The following FAF1 variants were observed in gnomAD, a reference collection of about 807,000 sequenced individuals.
FAF1 encodes the protein Fas associated factor 1.
A neutral mutation model predicts 92.5 loss-of-function variants in FAF1; 25 were observed. The observed-to-expected ratio is 0.27, with a 90% CI of 0.20 to 0.38. The LOEUF is 0.38. Among genes scored for constraint, FAF1 ranks in the 10% least tolerant of loss-of-function variants. FAF1 has a pLI of 1.00. For missense variants in FAF1, 636 were observed against 793.3 expected (o/e 0.80, Z 2.38); for synonymous variants, 234 against 273.2 (o/e 0.86, Z 1.42).
At chr1:50,729,036 A>ATC (rs753561961) in intron 6 of FAF1, among the ~76,000 whole-genome samples, 21,778 of 93,734 alleles carry the variant, frequency 0.23, 2,615 homozygotes, top group Middle Eastern at 0.28. Flanking sequence ...CTATCTATCT[A>ATC]TATATATATA....
rs115774053 is a variant in FAF1, at chr1:50,661,472, C to T, written c.658-5944G>A. On this transcript the variant is annotated intron_variant, in intron 7 of 18. Coordinates refer to ENST00000396153, the MANE Select transcript of FAF1 (RefSeq NM_007051.3). ...TAGATTTTCTGAATTAAGATACTAT[C>T]GCACATCATAGTACAGCCCTTACAA... Among the ~76,000 whole-genome samples the T allele has an allele frequency of 5.8e-3, 885 of 152,216 alleles. 3 individuals carry two copies. Among genetic ancestry groups the T allele is most frequent in the Non-Finnish European group, 9.7e-3 (662 of 68,018 alleles).
At chr1:50,694,849 G>A (rs1657117431) in intron 7 of FAF1, among the ~76,000 whole-genome samples, 2 of 150,850 alleles carry the variant, frequency 1.3e-5, no homozygotes, top group African/African-American at 4.9e-5. Flanking sequence ...TGTAGTCCCA[G>A]CTACTCGGGA....
At chr1:50,634,263 C>A (rs1653916494) in intron 8 of FAF1, among the ~76,000 whole-genome samples, 1 of 151,954 alleles carries the variant, frequency 6.6e-6, no homozygotes, top group Non-Finnish European at 1.5e-5. Flanking sequence ...AAAAGAATTT[C>A]TGTTACCTCC....
intron 6 of FAF1, among the ~76,000 whole-genome samples, chr1:50,711,612 G>A (rs565680062): frequency 5.3e-5 from 8 of 151,908 alleles, no homozygotes; most frequent in South Asian, 2.1e-4. Context: ...TGCTACAGGC[G>A]CATACCACCA....
chr1:50,905,897 T>A (rs543852254), intron 1 of FAF1, among the ~76,000 whole-genome samples: 2 of 152,362 alleles, frequency 1.3e-5, no homozygotes, highest in East Asian at 3.9e-4. Context: ...ATCCCGTTTG[T>A]CAATTTTGGC....
chr1:50,807,909 G>A (rs1159463616), intron 2 of FAF1, among the ~76,000 whole-genome samples: 1 of 152,098 alleles, frequency 6.6e-6, no homozygotes, highest in African/African-American at 2.4e-5. Context: ...GAAATGCACA[G>A]AACCCCTGCA....
intron 8 of FAF1, among the ~76,000 whole-genome samples, chr1:50,602,916 A>C (rs185176009): frequency 1.2e-3 from 189 of 152,324 alleles, no homozygotes; most frequent in African/African-American, 4.3e-3. Context: ...TTGTTATTAC[A>C]CAAAGTGCTT....
At chr1:50,500,945 C>T (rs1355959920) in intron 15 of FAF1, among the ~76,000 whole-genome samples, 6 of 152,034 alleles carry the variant, frequency 3.9e-5, no homozygotes, top group African/African-American at 1.4e-4. Flanking sequence ...AGTGAATTAT[C>T]GTGATATAGT....
At chr1:50,901,585 G>C (rs962850167) in intron 1 of FAF1, among the ~76,000 whole-genome samples, 2 of 152,094 alleles carry the variant, frequency 1.3e-5, no homozygotes, top group African/African-American at 4.8e-5. Flanking sequence ...GCTGGCCACA[G>C]TGGCTCAGGC....
At chr1:50,726,059 C>A (rs1658637273) in intron 6 of FAF1, among the ~76,000 whole-genome samples, 1 of 151,928 alleles carries the variant, frequency 6.6e-6, no homozygotes, top group African/African-American at 2.4e-5. Context: ...TCGAGACCAG[C>A]CTGGCCAAGA....
At chr1:50,851,268 G>A (rs1316156604) in intron 2 of FAF1, among the ~76,000 whole-genome samples, 1 of 152,068 alleles carries the variant, frequency 6.6e-6, no homozygotes, top group Non-Finnish European at 1.5e-5. Flanking sequence ...TTTTGGTAGA[G>A]ACGAGGTTTT....
intron 8 of FAF1, among the ~76,000 whole-genome samples, chr1:50,614,559 G>T (rs1309536864): frequency 6.6e-6 from 1 of 151,980 alleles, no homozygotes; most frequent in Non-Finnish European, 1.5e-5. Context: ...AACAAAATGG[G>T]CTGGGCACGG....
At chr1:50,926,461 AACATATAAAATT>A (rs1279625257) in intron 1 of FAF1, among the ~76,000 whole-genome samples, 3 of 152,180 alleles carry the variant, frequency 2.0e-5, no homozygotes, top group African/African-American at 7.2e-5. Context: ...GAACCTGGTT[AACATATAAAATT>A]ACAGCTAGAT....
At chr1:50,742,576 G>A (rs547814884) in intron 5 of FAF1, among the ~76,000 whole-genome samples, 1 of 152,122 alleles carries the variant, frequency 6.6e-6, no homozygotes, top group Non-Finnish European at 1.5e-5. Context: ...TAGAGACAGG[G>A]TTTTGTCATG....
chr1:50,957,370 GAGA>G (rs1645276302), intron 1 of FAF1, among the ~76,000 whole-genome samples: 1 of 14,964 alleles, frequency 6.7e-5, no homozygotes, highest in Admixed American at 5.6e-4. Context: ...TTTTTTTTTT[GAGA>G]CAGAGTCTCG....
Position 50,867,473 on chromosome 1 carries a change from T to A in FAF1, c.46-9476A>T, listed in dbSNP as rs1347447336. Among the ~76,000 whole-genome samples, 3 of 151,666 alleles carry A rather than the reference T, an allele frequency of 2.0e-5. No homozygotes were observed. The East Asian group carries it at 5.8e-4, about 29-fold the overall frequency. On this transcript the variant is annotated intron_variant, in intron 1 of 18. Coordinates refer to ENST00000396153, the MANE Select transcript of FAF1 (RefSeq NM_007051.3). ...CTAATATCTGGAATCTATAAGGAAC[T>A]CAAATCAGCAAGAAAAAAACAAACA... is the stretch of plus-strand genomic sequence containing the variant.
intron 4 of FAF1, among the ~76,000 whole-genome samples, chr1:50,763,735 T>C (rs557784220): frequency 6.6e-6 from 1 of 152,350 alleles, no homozygotes; most frequent in African/African-American, 2.4e-5. Context: ...TCACATAATG[T>C]ATCGACATTT....
Position 50,441,386 on chromosome 1 carries a change from T to C in FAF1, c.*54A>G, listed in dbSNP as rs559818433. 42 of 1,186,184 alleles carry C rather than the reference T, an allele frequency of 3.5e-5. No homozygotes were observed. In the South Asian group the frequency reaches 6.4e-4, roughly 18 times the overall value. The allele number at this position is 1,186,184 out of a possible 1,614,324, so 73.5% of individuals were successfully genotyped here. A position where few individuals can be genotyped will look rare whatever the true frequency, so the allele number is the denominator to read the frequency against. ...GTGGGTTGGCGAGGAGCCCTTCTCCTGACGCAGGCTGCTGGCTTGTCAAGG... is the reference window on the plus strand; with the variant it reads ...GTGGGTTGGCGAGGAGCCCTTCTCCCGACGCAGGCTGCTGGCTTGTCAAGG... On this transcript the variant is annotated 3_prime_UTR_variant, in exon 19 of 19. Coordinates refer to ENST00000396153, the MANE Select transcript of FAF1 (RefSeq NM_007051.3).
chr1:50,880,620 C>T (rs938524249), intron 1 of FAF1, among the ~76,000 whole-genome samples: 1 of 152,164 alleles, frequency 6.6e-6, no homozygotes, highest in Non-Finnish European at 1.5e-5. Context: ...GAGGAGCCTT[C>T]GCTAGAAATG....
Sources: gnomAD v4.1 joint callset for allele counts (sites outside exome capture counted in the v4.1 genomes callset) on GRCh38, gnomAD v4.1.1 for gene constraint, MANE v1.5 for transcripts, NCBI Gene and HGNC (gene_info 2026-07-23, HGNC 2026-07-21) for gene names.